Variants in SLC39A11 observed in about 807,000 individuals in gnomAD.
The protein encoded by SLC39A11 is zinc transporter ZIP11.
SLC39A11 carries 33 observed loss-of-function variants against 36.1 expected under a neutral mutation model. The ratio of observed to expected loss-of-function variants is 0.91; its 90% CI spans 0.69 to 1.22. SLC39A11 has a LOEUF of 1.22. SLC39A11 is among the 50% of genes most tolerant of loss of function. The pLI is 0.00. For synonymous variants in SLC39A11, 166 were observed against 170.3 expected, an observed-to-expected ratio of 0.97 and a Z score of 0.20; for missense variants, 432 against 430.3, an observed-to-expected ratio of 1.00 and a Z score of -0.03.
chr17:73,066,022 C>T (rs1341238865), intron 3 of SLC39A11, among the ~76,000 whole-genome samples: 5 of 152,180 alleles, frequency 3.3e-5, no homozygotes, highest in African/African-American at 7.2e-5. Flanking sequence ...GGACTGTGAA[C>T]AGGTGTCATC....
At chr17:72,903,736 C>T (rs2082512365) in intron 5 of SLC39A11, among the ~76,000 whole-genome samples, 1 of 152,134 alleles carries the variant, frequency 6.6e-6, no homozygotes, top group African/African-American at 2.4e-5. Flanking sequence ...AGTAATCGGG[C>T]TTGATTGGTC....
rs1382063015 is a variant in SLC39A11, at chr17:72,985,415, T to TTTTA, written c.307-37541_307-37540insTAAA. ...ATTTGCATGGGGCCTGCCTTTTTTT[T>TTTTA]TTTTTTTTTTTTTTTGAGACAGAGT... On this transcript the variant is annotated intron_variant, in intron 4 of 9. Coordinates refer to ENST00000255559, the MANE Select transcript of SLC39A11 (RefSeq NM_139177.4). 2.2e-4 allele frequency among the ~76,000 whole-genome samples: 30 copies of TTTTA among 137,564 alleles called. 2 individuals are homozygous for TTTTA. The highest frequency in any genetic ancestry group is 2.1e-3 in the Admixed American group (29 of 13,998). The allele number at this position is 137,564 out of a possible 152,430, so 90.2% of individuals were successfully genotyped here.
intron 4 of SLC39A11, among the ~76,000 whole-genome samples, chr17:72,970,404 G>A (rs1174901301): frequency 2.0e-5 from 3 of 152,150 alleles, no homozygotes; most frequent in Non-Finnish European, 4.4e-5. Context: ...ATGCAGCAAC[G>A]CTCTGCAACC....
chr17:72,975,534 G>A (rs1406136016), intron 4 of SLC39A11, among the ~76,000 whole-genome samples: 2 of 152,220 alleles, frequency 1.3e-5, no homozygotes, highest in African/African-American at 4.8e-5. Context: ...GTGAGAAGGT[G>A]CCCTCTATGA....
At chr17:72,970,510 A>C (rs910458434) in intron 4 of SLC39A11, among the ~76,000 whole-genome samples, 20 of 152,236 alleles carry the variant, frequency 1.3e-4, no homozygotes, top group African/African-American at 4.6e-4. Flanking sequence ...GCAGGGAAGC[A>C]AAGCTGCTAG....
chr17:72,657,326 C>T (rs1262151568), intron 7 of SLC39A11, among the ~76,000 whole-genome samples: 1 of 152,194 alleles, frequency 6.6e-6, no homozygotes, highest in African/African-American at 2.4e-5. Context: ...CGCCACCGCA[C>T]TCCAGGCTGG....
intron 5 of SLC39A11, among the ~76,000 whole-genome samples, chr17:72,866,440 T>C (rs914928937): frequency 6.6e-6 from 1 of 152,234 alleles, no homozygotes; most frequent in South Asian, 2.1e-4. Flanking sequence ...AAATGTAATG[T>C]GTGTGAATCA....
intron 6 of SLC39A11, among the ~76,000 whole-genome samples, chr17:72,844,680 C>CA (rs373714596): frequency 2.6e-5 from 4 of 151,860 alleles, no homozygotes; most frequent in Admixed American, 2.0e-4. Flanking sequence ...AAACAAAAAA[C>CA]AAAAAAACAA....
At chr17:72,986,485 C>T (rs2088769037) in intron 4 of SLC39A11, among the ~76,000 whole-genome samples, 1 of 152,198 alleles carries the variant, frequency 6.6e-6, no homozygotes, top group African/African-American at 2.4e-5. Flanking sequence ...GGCACTGGCC[C>T]ACAGACCCTC....
At chr17:72,860,792 T>A (rs749622106) in intron 5 of SLC39A11, among the ~76,000 whole-genome samples, 1 of 152,234 alleles carries the variant, frequency 6.6e-6, no homozygotes, top group Non-Finnish European at 1.5e-5. Flanking sequence ...ATTCACTCAC[T>A]GTAAAGCAGC....
intron 3 of SLC39A11, among the ~76,000 whole-genome samples, chr17:73,083,998 C>T (rs897798875): frequency 2.2e-4 from 34 of 152,244 alleles, no homozygotes; most frequent in African/African-American, 7.7e-4. Context: ...CTGGGATTAG[C>T]TTTTATAAAA....
intron 4 of SLC39A11, among the ~76,000 whole-genome samples, chr17:73,009,605 T>G (rs11656062): frequency 0.06 from 9,059 of 151,894 alleles, 350 homozygotes; most frequent in East Asian, 0.1. Flanking sequence ...GGGGTTTCCT[T>G]GGGGGGGTGA....
At chr17:72,703,243 T>G (rs960520440) in intron 7 of SLC39A11, among the ~76,000 whole-genome samples, 5 of 152,254 alleles carry the variant, frequency 3.3e-5, no homozygotes, top group African/African-American at 1.2e-4. Context: ...CTGGTGTGTA[T>G]GTGCTTTAGG....
At chr17:73,047,642 C>T (rs2059339915) in intron 3 of SLC39A11, among the ~76,000 whole-genome samples, 1 of 151,678 alleles carries the variant, frequency 6.6e-6, no homozygotes, top group Non-Finnish European at 1.5e-5. Flanking sequence ...AAGATTCAGG[C>T]CCAGCCAGTG....
At chr17:72,676,215 G>T (rs377002102) in intron 7 of SLC39A11, among the ~76,000 whole-genome samples, 1 of 151,954 alleles carries the variant, frequency 6.6e-6, no homozygotes, top group African/African-American at 2.4e-5. Flanking sequence ...TAAACATGTC[G>T]AAAGCAAAAT....
chr17:72,753,064 G>T (rs956931806), intron 6 of SLC39A11, among the ~76,000 whole-genome samples: 1 of 150,838 alleles, frequency 6.6e-6, no homozygotes, highest in Non-Finnish European at 1.5e-5. Context: ...TCATATGTTG[G>T]CCAGGCTGGT....
chr17:72,929,536 C>T lies in SLC39A11; in HGVS notation c.430+18216G>A, dbSNP rs537073785. Among the ~76,000 whole-genome samples the T allele has an allele frequency of 5.2e-4, 79 of 152,262 alleles. 2 individuals carry two copies. In the South Asian group the frequency reaches 0.013, roughly 25 times the overall value. ...CACTTCACGGAGTCTACACAGGCAT[C>T]GCTGCAGCCTTGGAAGATCTGCTAC... On this transcript the variant is annotated intron_variant, in intron 5 of 9. Transcript: ENST00000255559.
chr17:73,081,666 C>CATATATAT (rs1568242856), intron 3 of SLC39A11, among the ~76,000 whole-genome samples: 15,518 of 77,056 alleles, frequency 0.2, 2,372 homozygotes, highest in South Asian at 0.25. Context: ...CACACACACA[C>CATATATAT]ACACATATAT....
At chr17:72,907,067 A>G (rs921342585) in intron 5 of SLC39A11, among the ~76,000 whole-genome samples, 11 of 152,332 alleles carry the variant, frequency 7.2e-5, no homozygotes, top group African/African-American at 4.8e-5. Flanking sequence ...ACCAGAGGAG[A>G]TAAGTGGGAA....
Sources: gnomAD v4.1 joint callset for allele counts (sites outside exome capture counted in the v4.1 genomes callset) on GRCh38, gnomAD v4.1.1 for gene constraint, MANE v1.5 for transcripts, NCBI Gene and HGNC (gene_info 2026-07-23, HGNC 2026-07-21) for gene names.